Variants in MAP3K5 observed in about 807,000 individuals in gnomAD.
MAP3K5 encodes mitogen-activated protein kinase kinase kinase 5.
A neutral mutation model predicts 158.7 loss-of-function variants in MAP3K5; 56 were observed. The ratio of observed to expected loss-of-function variants is 0.35; its 90% CI spans 0.28 to 0.44. MAP3K5 has a LOEUF of 0.44. MAP3K5 is among the 20% of genes least tolerant of loss of function. The pLI, the probability that MAP3K5 is intolerant of heterozygous loss-of-function variation, is 1.00. For synonymous variants in MAP3K5, 579 were observed against 601.7 expected (o/e 0.96, Z 0.55); for missense variants, 1,294 against 1,674.8 (o/e 0.77, Z 3.97).
chr6:136,633,578 A>C (rs1777480370), intron 14 of MAP3K5, among the ~76,000 whole-genome samples: 1 of 152,126 alleles, frequency 6.6e-6, no homozygotes. Flanking sequence ...TGGAGTTCTT[A>C]GTAGATCCAG....
intron 1 of MAP3K5, among the ~76,000 whole-genome samples, chr6:136,755,139 T>C (rs1783418611): frequency 1.3e-5 from 2 of 151,834 alleles, no homozygotes. Flanking sequence ...TTCTCTTACA[T>C]GAAAAAAAAA....
intron 25 of MAP3K5, among the ~76,000 whole-genome samples, chr6:136,577,759 C>T (rs968687788): frequency 6.6e-6 from 1 of 152,182 alleles, no homozygotes; most frequent in Non-Finnish European, 1.5e-5. Flanking sequence ...TGTATACCAT[C>T]CACACAGCTC....
chr6:136,607,768 T>C (rs1776163176), intron 18 of MAP3K5, among the ~76,000 whole-genome samples: 1 of 152,216 alleles, frequency 6.6e-6, no homozygotes, highest in Non-Finnish European at 1.5e-5. Flanking sequence ...GGACCTACTA[T>C]GGGCCAGGCA....
At chr6:136,614,382 G>C in intron 15 of MAP3K5, 96 bp from the exon 16 acceptor site, 3 of 1,393,074 alleles carry the variant, frequency 2.2e-6, no homozygotes, top group Non-Finnish European at 2.9e-6. Flanking sequence ...CCAAATATAT[G>C]TCCATATGTA....
chr6:136,639,787 C>T, intron 12 of MAP3K5, 149 bp from the exon 13 acceptor site: 1 of 579,516 alleles, frequency 1.7e-6, no homozygotes, highest in Admixed American at 3.6e-5. Flanking sequence ...AAAAGTGATA[C>T]TTCCTGCACC....
intron 1 of MAP3K5, among the ~76,000 whole-genome samples, chr6:136,750,499 CCAG>C (rs1254223057): frequency 6.6e-6 from 1 of 152,290 alleles, no homozygotes; most frequent in African/African-American, 2.4e-5. Flanking sequence ...CTGCTGAGAA[CCAG>C]CAGTTCTCTT....
At chr6:136,608,012 T>C (rs758539279) in intron 18 of MAP3K5, among the ~76,000 whole-genome samples, 3 of 152,104 alleles carry the variant, frequency 2.0e-5, no homozygotes, top group Admixed American at 6.5e-5. Context: ...GAGGTGGACA[T>C]CTGCGTTGAG....
chr6:136,772,696 A>C (rs1425372951), intron 1 of MAP3K5, among the ~76,000 whole-genome samples: 1 of 152,258 alleles, frequency 6.6e-6, no homozygotes, highest in Non-Finnish European at 1.5e-5. Context: ...GTAAGTTTAC[A>C]AAGTAAGGTG....
At chr6:136,759,992 AT>A (rs2114963148) in intron 1 of MAP3K5, among the ~76,000 whole-genome samples, 1 of 152,280 alleles carries the variant, frequency 6.6e-6, no homozygotes, top group African/African-American at 2.4e-5. Context: ...GTTCTATCTA[AT>A]ATTATCATGG....
intron 21 of MAP3K5, among the ~76,000 whole-genome samples, chr6:136,596,383 G>A (rs1775630861): frequency 6.6e-6 from 1 of 152,180 alleles, no homozygotes; most frequent in Non-Finnish European, 1.5e-5. Flanking sequence ...ATTAGATCTT[G>A]GCCAGAGCAG....
intron 25 of MAP3K5, among the ~76,000 whole-genome samples, chr6:136,576,082 G>A (rs1281226596): frequency 6.6e-6 from 1 of 152,088 alleles, no homozygotes; most frequent in Non-Finnish European, 1.5e-5. Context: ...TAACAAAAAG[G>A]TGATCTTTCT....
intron 1 of MAP3K5, among the ~76,000 whole-genome samples, chr6:136,735,824 A>C (rs1467181531): frequency 1.3e-5 from 2 of 152,140 alleles, no homozygotes; most frequent in Non-Finnish European, 2.9e-5. Flanking sequence ...GCACGAACCT[A>C]TCTCTAAAAA....
In MAP3K5 at chr6:136,656,404, G is replaced by C. The variant is rs147722575; in HGVS notation, c.1583C>G (p.Thr528Ser). The C allele has an allele frequency of 1.9e-6, 3 of 1,609,998 alleles. No homozygotes were observed. The highest frequency in any genetic ancestry group is 2.7e-5 in the African/African-American group (2 of 74,584). The change falls in exon 10 of 30, where the codon ACC (threonine) becomes AGC (serine). Residue 528 changes from threonine (T) to serine (S), a missense_variant. Physicochemically the swap from Thr to Ser is moderately conservative, Grantham distance 58 (BLOSUM62 1). Transcript: ENST00000359015. ...ILIYKHFVKL[T>S]TEQPVAKQEL... ...TTGCTTGGCCACAGGCTGTTCTGTG[G>C]TCAGTTTCACAAAATGCTTATATAT... is the stretch of plus-strand genomic sequence containing the variant.
intron 1 of MAP3K5, among the ~76,000 whole-genome samples, chr6:136,791,474 C>G (rs1172797689): frequency 6.6e-6 from 1 of 152,142 alleles, no homozygotes; most frequent in Non-Finnish European, 1.5e-5. Flanking sequence ...GGCTCCAGCG[C>G]TGGGCGGTGG....
intron 20 of MAP3K5, among the ~76,000 whole-genome samples, chr6:136,601,307 TTC>T (rs777544852): frequency 2.8e-4 from 43 of 152,322 alleles, no homozygotes; most frequent in African/African-American, 9.6e-4. Flanking sequence ...TGGCAATCTT[TTC>T]TCTCTTTCTT....
intron 15 of MAP3K5, among the ~76,000 whole-genome samples, chr6:136,617,876 T>C (rs1321657968): frequency 6.6e-6 from 1 of 152,096 alleles, no homozygotes; most frequent in Non-Finnish European, 1.5e-5. Flanking sequence ...GAGGTTGCAG[T>C]GAGCCGAGAT....
chr6:136,692,722 T>C (rs1376035911), intron 7 of MAP3K5, among the ~76,000 whole-genome samples: 1 of 152,202 alleles, frequency 6.6e-6, no homozygotes, highest in African/African-American at 2.4e-5. Context: ...TTATGGTATA[T>C]GGCGTTTTTA....
intron 20 of MAP3K5, among the ~76,000 whole-genome samples, chr6:136,601,582 G>A (rs973705148): frequency 2.0e-5 from 3 of 152,208 alleles, no homozygotes; most frequent in African/African-American, 7.2e-5. Flanking sequence ...TACTAACTAT[G>A]TGATTGAAGA....
At chr6:136,791,595 C>G (rs1267942516) in intron 1 of MAP3K5, 115 bp downstream of exon 1, 1 of 1,180,192 alleles carries the variant, frequency 8.5e-7, no homozygotes, top group African/African-American at 1.5e-5. Flanking sequence ...CTCGCTGCCC[C>G]CAAAGTGGGG....
Sources: allele counts gnomAD v4.1 joint callset (sites outside exome capture counted in the v4.1 genomes callset), GRCh38; gene constraint gnomAD v4.1.1; transcripts MANE v1.5; gene names NCBI Gene and HGNC (gene_info 2026-07-23, HGNC 2026-07-21).